HEATR4: variants seen among roughly 807,000 people sequenced by gnomAD.
HEATR4 encodes HEAT repeat-containing protein 4.
Under a neutral mutation model 108.8 loss-of-function variants are expected in HEATR4, and 95 were observed. The observed-to-expected ratio is 0.87, with a 90% CI of 0.74 to 1.04. HEATR4 has a LOEUF of 1.04. Ranked by LOEUF, HEATR4 falls within the 50% of genes least tolerant of loss-of-function variation. HEATR4 has a pLI of 0.00. For missense variants in HEATR4, 1,152 were observed against 1,253.8 expected (o/e 0.92, Z 1.23); for synonymous variants, 443 against 459.4 (o/e 0.96, Z 0.46).
the HEATR4 span, among the ~76,000 whole-genome samples, chr14:73,610,359 C>T: frequency 2.7e-5 from 4 of 147,582 alleles, no homozygotes; most frequent in East Asian, 2.2e-4. Context: ...GGCGAGATCT[C>T]GGCTCACTGC....
the HEATR4 span, among the ~76,000 whole-genome samples, chr14:73,633,366 A>C: frequency 7.8e-4 from 119 of 152,076 alleles, 1 homozygote; most frequent in African/African-American, 2.8e-3. Context: ...CTCATCCCCT[A>C]TGTCCCCGCT....
At chr14:73,513,117 G>A (rs1163899879) in intron 6 of HEATR4, among the ~76,000 whole-genome samples, 1 of 152,200 alleles carries the variant, frequency 6.6e-6, no homozygotes, top group East Asian at 1.9e-4. Flanking sequence ...AGCATATTTT[G>A]TTCTTCCCTT....
chr14:73,621,761 C>A, the HEATR4 span, among the ~76,000 whole-genome samples: 7 of 109,514 alleles, frequency 6.4e-5, no homozygotes, highest in Admixed American at 3.9e-4. Context: ...TTCTTTCTTT[C>A]TTTTTTTTTT....
intron 4 of HEATR4, among the ~76,000 whole-genome samples, chr14:73,519,454 C>A (rs1887836887): frequency 6.6e-6 from 1 of 152,122 alleles, no homozygotes; most frequent in Non-Finnish European, 1.5e-5. Flanking sequence ...CTTCCTAAGG[C>A]AGAACCTATG....
chr14:73,515,429 C>A (rs1030360324), intron 5 of HEATR4, among the ~76,000 whole-genome samples: 1 of 151,752 alleles, frequency 6.6e-6, no homozygotes, highest in South Asian at 2.1e-4. Context: ...CCTGTAATCC[C>A]AGCACTTTGG....
At chr14:73,595,474 C>T in the HEATR4 span, 11 of 1,613,978 alleles carry the variant, frequency 6.8e-6, no homozygotes, top group South Asian at 4.4e-5. Context: ...GGCATTACAT[C>T]GAGCCTCCTT....
chr14:73,620,670 C>T, the HEATR4 span, among the ~76,000 whole-genome samples: 3,059 of 152,020 alleles, frequency 0.02, 106 homozygotes, highest in African/African-American at 0.07. Flanking sequence ...CAGGTTCAAG[C>T]GATTCTCCTG....
intron 15 of HEATR4, among the ~76,000 whole-genome samples, chr14:73,495,663 T>C (rs1476443581): frequency 6.6e-6 from 1 of 152,196 alleles, no homozygotes; most frequent in East Asian, 1.9e-4. Flanking sequence ...TGTTCTCTTA[T>C]GATATTGGTT....
chr14:73,484,270 T>C (rs1026150960), intron 17 of HEATR4, among the ~76,000 whole-genome samples: 3 of 152,088 alleles, frequency 2.0e-5, no homozygotes, highest in Non-Finnish European at 4.4e-5. Flanking sequence ...AGATAGCATC[T>C]GTTACGACGT....
chr14:73,566,825 G>A, the HEATR4 span, among the ~76,000 whole-genome samples: 1 of 152,292 alleles, frequency 6.6e-6, no homozygotes, highest in Admixed American at 6.5e-5. Flanking sequence ...TGCCGCCAAA[G>A]TGGGAGCCCA....
At chr14:73,485,992 G>T (rs1005033291) in intron 17 of HEATR4, among the ~76,000 whole-genome samples, 1 of 152,182 alleles carries the variant, frequency 6.6e-6, no homozygotes, top group Non-Finnish European at 1.5e-5. Context: ...GGGATTATCG[G>T]TGTTAGCCAC....
intron 6 of HEATR4, among the ~76,000 whole-genome samples, chr14:73,512,486 G>C (rs1887326934): frequency 6.6e-6 from 1 of 152,138 alleles, no homozygotes; most frequent in Non-Finnish European, 1.5e-5. Flanking sequence ...CCTGGTTTGG[G>C]ATCACAGTTA....
intron 17 of HEATR4, among the ~76,000 whole-genome samples, chr14:73,481,668 C>T (rs1024609138): frequency 1.2e-4 from 18 of 151,002 alleles, no homozygotes; most frequent in African/African-American, 3.9e-4. Flanking sequence ...GGTGAAACCC[C>T]GTCTCTACTA....
the HEATR4 span, among the ~76,000 whole-genome samples, chr14:73,606,605 A>G: frequency 6.6e-6 from 1 of 152,200 alleles, no homozygotes; most frequent in Admixed American, 6.5e-5. Flanking sequence ...TTGGGTGGTT[A>G]CAAAACTGCC....
the HEATR4 span, chr14:73,596,019 G>A: frequency 5.9e-6 from 1 of 169,448 alleles, no homozygotes; most frequent in East Asian, 1.7e-4. Context: ...TCAGTAGCAG[G>A]GTAGAATTTT....
the HEATR4 span, chr14:73,619,411 G>A: frequency 1.2e-6 from 2 of 1,614,128 alleles, no homozygotes; most frequent in Non-Finnish European, 1.7e-6. Flanking sequence ...CGATGATCTA[G>A]GAAAAGTAAA....
the HEATR4 span, among the ~76,000 whole-genome samples, chr14:73,586,453 C>A: frequency 6.6e-6 from 1 of 151,862 alleles, no homozygotes; most frequent in Admixed American, 6.6e-5. Context: ...GCCTGTAATC[C>A]CAGCACTTTG....
At chr14:73,552,190 T>C (rs1889334710) in intron 1 of HEATR4, among the ~76,000 whole-genome samples, 1 of 110,764 alleles carries the variant, frequency 9.0e-6, no homozygotes, top group African/African-American at 3.0e-5. Flanking sequence ...TTCTTTCTTC[T>C]GAGGAGGCAA....
At chr14:73,615,401 A>AAAAAAAC in the HEATR4 span, among the ~76,000 whole-genome samples, 62 of 93,536 alleles carry the variant, frequency 6.6e-4, no homozygotes, top group Non-Finnish European at 9.9e-4. Flanking sequence ...AAAAAAAAAA[A>AAAAAAAC]AAAAAACAAA....
Sources: allele counts gnomAD v4.1 joint callset (sites outside exome capture counted in the v4.1 genomes callset), GRCh38; gene constraint gnomAD v4.1.1; transcripts MANE v1.5; gene names NCBI Gene and HGNC (gene_info 2026-07-23, HGNC 2026-07-21).